The following RARB variants were observed in gnomAD, a reference collection of about 807,000 sequenced individuals.
The protein encoded by RARB is retinoic acid receptor beta.
Under a neutral mutation model 51.9 loss-of-function variants are expected in RARB, and 17 were observed. The observed-to-expected ratio is 0.33, with a 90% confidence interval of 0.22 to 0.49. The LOEUF is 0.49. Ranked by LOEUF, RARB falls within the 20% of genes least tolerant of loss-of-function variation. The probability of loss-of-function intolerance (pLI) is 0.99; values close to 1 mark genes in which losing one functional copy is unlikely to be tolerated. For missense variants in RARB, 369 were observed against 550.8 expected (o/e 0.67, Z 3.30); for synonymous variants, 215 against 195.4 (o/e 1.10, Z -0.84).
chr3:24,921,607 GCA>G (rs1695218327), intron 2 of RARB, among the ~76,000 whole-genome samples: 1 of 151,930 alleles, frequency 6.6e-6, no homozygotes, highest in African/African-American at 2.4e-5. Context: ...TCTTATCTCA[GCA>G]CCCAATCAGC....
At chr3:25,496,040 A>G (rs1378149225) in intron 2 of RARB, among the ~76,000 whole-genome samples, 1 of 152,210 alleles carries the variant, frequency 6.6e-6, no homozygotes, top group Non-Finnish European at 1.5e-5. Flanking sequence ...GAGAAATCTG[A>G]TTGTTTAATT....
chr3:24,990,194 A>G lies in RARB; in HGVS notation c.-379-69931A>G, dbSNP rs186061478. Among the ~76,000 whole-genome samples, 165 of 88,210 alleles carry G rather than the reference A, an allele frequency of 1.9e-3. 43 individuals carry two copies. The highest frequency in any genetic ancestry group is 7.1e-3 in the African/African-American group (158 of 22,224). 57.9% of individuals were successfully genotyped at this position (88,210 alleles called of 152,430 possible). On this transcript the variant is annotated intron_variant, in intron 2 of 11. Coordinates refer to the RARB transcript ENST00000383772. ...CTTCTTCTTTTTTTATTATTATTAT[A>G]CTTTAAGTTTTAGGGTACATGTGCA... is the stretch of plus-strand genomic sequence containing the variant.
chr3:25,455,213 T>C (rs1364953904), intron 1 of RARB, among the ~76,000 whole-genome samples: 1 of 152,182 alleles, frequency 6.6e-6, no homozygotes, highest in African/African-American at 2.4e-5. Flanking sequence ...GTCCATTAAA[T>C]CTAATTTTTT....
chr3:25,311,999 G>GA (rs1442539386), intron 5 of RARB, among the ~76,000 whole-genome samples: 7 of 152,154 alleles, frequency 4.6e-5, no homozygotes, highest in African/African-American at 1.4e-4. Flanking sequence ...GAAAAAAAAG[G>GA]AAAAAAAGTA....
At chr3:24,947,756 G>A (rs564478347) in intron 2 of RARB, among the ~76,000 whole-genome samples, 20 of 152,246 alleles carry the variant, frequency 1.3e-4, no homozygotes, top group Admixed American at 3.3e-4. Flanking sequence ...TAAGGATACC[G>A]AGAAGACCAG....
At chr3:25,550,932 C>T (rs192976446) in intron 3 of RARB, among the ~76,000 whole-genome samples, 12 of 152,224 alleles carry the variant, frequency 7.9e-5, no homozygotes, top group African/African-American at 2.2e-4. Context: ...TTCCTTTTTA[C>T]GACTGCATAG....
At chr3:24,949,056 C>G (rs1484245177) in intron 2 of RARB, among the ~76,000 whole-genome samples, 3 of 152,230 alleles carry the variant, frequency 2.0e-5, no homozygotes, top group Admixed American at 1.3e-4. Context: ...AGGACATATT[C>G]TGTTCCTGCT....
intron 3 of RARB, among the ~76,000 whole-genome samples, chr3:25,077,707 AGT>A (rs1194438655): frequency 2.0e-5 from 3 of 151,870 alleles, no homozygotes; most frequent in African/African-American, 7.2e-5. Flanking sequence ...TGGATCACAG[AGT>A]GTGTGTGTGT....
chr3:25,533,603 A>G (rs546391681), intron 3 of RARB, among the ~76,000 whole-genome samples: 2 of 152,328 alleles, frequency 1.3e-5, no homozygotes, highest in Non-Finnish European at 2.9e-5. Flanking sequence ...GTAAGTACTT[A>G]CTTTGCAAAC....
At chr3:25,369,818 A>G (rs1399752877) in intron 5 of RARB, among the ~76,000 whole-genome samples, 1 of 152,146 alleles carries the variant, frequency 6.6e-6, no homozygotes, top group East Asian at 1.9e-4. Flanking sequence ...GCTACTAGGG[A>G]GGCTGAGGCA....
At chr3:25,300,549 G>C (rs1282075577) in intron 5 of RARB, among the ~76,000 whole-genome samples, 1 of 152,240 alleles carries the variant, frequency 6.6e-6, no homozygotes, top group Non-Finnish European at 1.5e-5. Context: ...GCAGAGGGCA[G>C]TTTTCTGAGA....
At chr3:25,104,062 TTAC>T (rs1575161892) in intron 3 of RARB, among the ~76,000 whole-genome samples, 2 of 152,318 alleles carry the variant, frequency 1.3e-5, no homozygotes, top group East Asian at 3.9e-4. Context: ...TTGAAATCCT[TTAC>T]TGTCTCAGGA....
chr3:25,249,351 T>G (rs1702647285), intron 5 of RARB, among the ~76,000 whole-genome samples: 2 of 152,290 alleles, frequency 1.3e-5, no homozygotes, highest in African/African-American at 4.8e-5. Context: ...CTGATTTCTT[T>G]GTATTGTTCA....
chr3:24,989,695 A>G (rs1441736552), intron 2 of RARB, among the ~76,000 whole-genome samples: 1 of 105,102 alleles, frequency 9.5e-6, no homozygotes, highest in Non-Finnish European at 1.9e-5. Context: ...GCCTTTATGA[A>G]TCATGCACAA....
intron 5 of RARB, among the ~76,000 whole-genome samples, chr3:25,307,105 T>C (rs1362846941): frequency 6.6e-6 from 1 of 152,012 alleles, no homozygotes; most frequent in East Asian, 1.9e-4. Flanking sequence ...ATAATATAGA[T>C]CAGGTGCGAT....
chr3:25,507,542 G>A (rs1697671181), intron 3 of RARB, among the ~76,000 whole-genome samples: 1 of 152,070 alleles, frequency 6.6e-6, no homozygotes, highest in South Asian at 2.1e-4. Flanking sequence ...CCTCTTCCCA[G>A]TTCCCTCCCC....
chr3:24,890,178 C>A (rs777590532), intron 2 of RARB, among the ~76,000 whole-genome samples: 1 of 152,134 alleles, frequency 6.6e-6, no homozygotes, highest in Non-Finnish European at 1.5e-5. Context: ...TCTAAAAGCA[C>A]GAGTCTTTAA....
chr3:24,895,687 C>A (rs1703463837), intron 2 of RARB, among the ~76,000 whole-genome samples: 1 of 151,730 alleles, frequency 6.6e-6, no homozygotes, highest in East Asian at 1.9e-4. Flanking sequence ...GACTGTGAAC[C>A]CTTTGGGATG....
chr3:25,319,895 T>C (rs959905471), intron 5 of RARB, among the ~76,000 whole-genome samples: 1 of 152,174 alleles, frequency 6.6e-6, no homozygotes, highest in African/African-American at 2.4e-5. Context: ...CTAGAACTAT[T>C]CATGAGAAAA....
Sources: gnomAD v4.1 joint callset for allele counts (sites outside exome capture counted in the v4.1 genomes callset) on GRCh38, gnomAD v4.1.1 for gene constraint, MANE v1.5 for transcripts, NCBI Gene and HGNC (gene_info 2026-07-23, HGNC 2026-07-21) for gene names.